The following NRROS variants were observed in gnomAD, a reference collection of about 807,000 sequenced individuals.
The protein encoded by NRROS is negative regulator of reactive oxygen species.
NRROS carries 6 observed loss-of-function variants against 12.0 expected under a neutral mutation model. That is an observed-to-expected ratio of 0.50 (90% CI 0.27 to 0.98). The LOEUF is 0.98. NRROS is among the 50% of genes least tolerant of loss of function. NRROS has a pLI of 0.11. For missense variants in NRROS, 857 were observed against 888.2 expected (o/e 0.96, Z 0.45); for synonymous variants, 462 against 410.2 (o/e 1.13, Z -1.53).
In NRROS at chr3:196,654,575, T is replaced by A. The variant is rs1248410031; in HGVS notation, c.36T>A (p.Phe12Leu). 1 of 1,614,142 alleles carries A rather than the reference T, an allele frequency of 6.2e-7. No homozygotes were observed. Among genetic ancestry groups the A allele is most frequent in the Non-Finnish European group, 8.5e-7 (1 of 1,179,982 alleles). Residue 12 changes from phenylalanine (F) to leucine (L), a missense_variant, in exon 2 of 3, where the codon TTT becomes TTA. Physicochemically the swap from Phe to Leu is conservative, Grantham distance 22. Transcript: ENST00000328557. The surrounding 1 kb of genome is among the most constrained non-coding windows in gnomAD (Gnocchi z 4.4). ...TGCCTCTTTGGCTCTGCCTGGGTTT[T>A]CACTTCCTGACCGTGGGCTGGAGGA... ...ELLPLWLCLG[F>L]HFLTVGWRNR...
intron 1 of NRROS, among the ~76,000 whole-genome samples, chr3:196,651,019 T>A (rs1737412928): frequency 6.6e-6 from 1 of 152,158 alleles, no homozygotes; most frequent in Non-Finnish European, 1.5e-5. Flanking sequence ...GCAGATGCTG[T>A]GGCGTGGTCC....
chr3:196,650,753 GT>G (rs551597247), intron 1 of NRROS, among the ~76,000 whole-genome samples: 3 of 152,276 alleles, frequency 2.0e-5, no homozygotes, highest in Non-Finnish European at 4.4e-5. Flanking sequence ...AGAAAACCAC[GT>G]TGTCTTCTCT....
chr3:196,653,068 G>A (rs550318827), intron 1 of NRROS, among the ~76,000 whole-genome samples: 9 of 152,298 alleles, frequency 5.9e-5, no homozygotes, highest in East Asian at 3.9e-4. Flanking sequence ...TTTCAGGGGC[G>A]GGGAAGGGTG....
Position 196,660,331 on chromosome 3 carries a change from G to A in NRROS, c.688G>A (p.Val230Ile). Reference protein sequence around the residue: ...IVDFGLTRLRVLNVSYNVLEW... With the variant: ...IVDFGLTRLRILNVSYNVLEW... ...GGACTTCGGGCTCACGCGGCTGCGG[G>A]TCCTCAACGTCAGCTACAACGTCCT... is the stretch of plus-strand genomic sequence containing the variant. Residue 230 changes from valine (V) to isoleucine (I), a missense_variant, in exon 3 of 3, where the codon GTC becomes ATC. Physicochemically the swap from Val to Ile is conservative, Grantham distance 29. Transcript: ENST00000328557. This position sits in a 1 kb window ranked among gnomAD's most constrained non-coding sequence, Gnocchi z 7.7. The A allele has an allele frequency of 6.2e-7, 1 of 1,614,040 alleles. No individual in the cohort carries two copies. The highest frequency in any genetic ancestry group is 1.1e-5 in the South Asian group (1 of 91,076).
intron 1 of NRROS, among the ~76,000 whole-genome samples, chr3:196,647,003 G>A (rs540456632): frequency 3.0e-4 from 45 of 152,186 alleles, no homozygotes; most frequent in Admixed American, 1.6e-3. Context: ...GTCTTTCTGC[G>A]TCAATCAATA....
At chr3:196,652,684 C>CCCT (rs1395231347) in intron 1 of NRROS, among the ~76,000 whole-genome samples, 91 of 152,214 alleles carry the variant, frequency 6.0e-4, no homozygotes, top group African/African-American at 2.1e-3. Flanking sequence ...ATTAAAATGC[C>CCCT]CCTCCTGAGT....
intron 1 of NRROS, among the ~76,000 whole-genome samples, chr3:196,644,728 G>C (rs982458669): frequency 1.4e-5 from 2 of 140,262 alleles, no homozygotes; most frequent in Admixed American, 7.6e-5. Context: ...AGCAGAGATC[G>C]CACCATTGCA....
At chr3:196,645,160 G>GCAA (rs1737284303) in intron 1 of NRROS, among the ~76,000 whole-genome samples, 2 of 152,282 alleles carry the variant, frequency 1.3e-5, no homozygotes, top group South Asian at 4.1e-4. Context: ...GAATTACTGG[G>GCAA]TTATTGCTCC....
At chr3:196,647,751 G>T (rs899258436) in intron 1 of NRROS, among the ~76,000 whole-genome samples, 1 of 152,198 alleles carries the variant, frequency 6.6e-6, no homozygotes, top group African/African-American at 2.4e-5. Flanking sequence ...TAGAGACGGG[G>T]TTTCACCATG....
chr3:196,640,306 G>T (rs1737183616), intron 1 of NRROS, among the ~76,000 whole-genome samples: 1 of 152,206 alleles, frequency 6.6e-6, no homozygotes, highest in Non-Finnish European at 1.5e-5. Context: ...TGCACACTCA[G>T]CATGCTGAGC....
At position 196,660,136 on chromosome 3, in the gene NRROS, G is replaced by T. The variant is rs538860702; in HGVS notation, c.493G>T (p.Ala165Ser). 4 of 1,613,102 alleles carry T rather than the reference G, an allele frequency of 2.5e-6. No homozygotes were observed. The South Asian group carries it at 4.4e-5, about 18-fold the overall frequency. Residue 165 changes from alanine to serine, a missense_variant, in exon 3 of 3, where the codon GCG becomes TCG. Physicochemically the swap from Ala to Ser is moderately conservative, Grantham distance 99 (BLOSUM62 1). Coordinates refer to ENST00000328557, the MANE Select transcript of NRROS (RefSeq NM_198565.3). This position sits in a 1 kb window ranked among gnomAD's most constrained non-coding sequence, Gnocchi z 7.7. ...NLSSLRSVSL[A>S]GNTIMRLDDS... is the part of the protein sequence containing the mutation. ...CTCCTCGCTGCGGTCCGTGTCCCTG[G>T]CGGGGAACACCATCATGCGGCTGGA...
intron 1 of NRROS, among the ~76,000 whole-genome samples, chr3:196,645,312 G>A (rs1737287108): frequency 6.6e-6 from 1 of 152,122 alleles, no homozygotes. Flanking sequence ...TTTAGTCAAG[G>A]GTCGCAGGCA....
At chr3:196,644,361 T>C (rs1410810283) in intron 1 of NRROS, among the ~76,000 whole-genome samples, 1 of 147,854 alleles carries the variant, frequency 6.8e-6, no homozygotes, top group Non-Finnish European at 1.5e-5. Context: ...GTCACGCCGC[T>C]GCACTCTAGC....
At chr3:196,658,898 A>G (rs1009732094) in intron 2 of NRROS, among the ~76,000 whole-genome samples, 2 of 152,202 alleles carry the variant, frequency 1.3e-5, no homozygotes, top group Non-Finnish European at 2.9e-5. Flanking sequence ...CGAACCCAGG[A>G]GGCAGAGATT....
At position 196,654,877 on chromosome 3, in the gene NRROS, G is replaced by A. The variant is rs1408293187; in HGVS notation, c.108+230G>A. On this transcript the variant is annotated intron_variant, in intron 2 of 2. Transcript: ENST00000328557. The surrounding 1 kb of genome is among the most constrained non-coding windows in gnomAD (Gnocchi z 4.4). The stretch of plus-strand genomic sequence containing the variant: ...CTGCCCCGCCGTTCTCACGCCTGCT[G>A]AGGATAGGAGGCATCCGAGACCAGC... 1 of 497,502 alleles carries A rather than the reference G, an allele frequency of 2.0e-6. No individual in the cohort carries two copies. Among genetic ancestry groups the A allele is most frequent in the East Asian group, 3.6e-5 (1 of 27,884 alleles). 30.8% of individuals were successfully genotyped at this position (497,502 alleles called of 1,614,324 possible).
At chr3:196,640,962 G>A (rs901934660) in intron 1 of NRROS, among the ~76,000 whole-genome samples, 3 of 152,108 alleles carry the variant, frequency 2.0e-5, no homozygotes, top group African/African-American at 7.2e-5. Context: ...CTCACCTGCC[G>A]GCTGTGACAC....
chr3:196,658,170 A>G (rs752092331), intron 2 of NRROS, among the ~76,000 whole-genome samples: 1 of 152,220 alleles, frequency 6.6e-6, no homozygotes, highest in Admixed American at 6.5e-5. Context: ...GATCACATTT[A>G]TTTGTACTGC....
Position 196,660,442 on chromosome 3 carries a change from C to T in NRROS, c.799C>T (p.Leu267=). 1 of 1,614,036 alleles carries T rather than the reference C, an allele frequency of 6.2e-7. No individual in the cohort carries two copies. The highest frequency in any genetic ancestry group is 8.5e-7 in the Non-Finnish European group (1 of 1,179,956). ...LSHNQLLFFP[L]LPQYSKLRTL... ...TCACAACCAGCTGCTGTTCTTCCCG[C>T]TGCTGCCCCAGTACAGCAAGTTGCG... The change falls in exon 3 of 3, where the codon CTG becomes TTG. Residue 267 remains leucine (L), a synonymous_variant. Transcript: ENST00000328557. This position sits in a 1 kb window ranked among gnomAD's most constrained non-coding sequence, Gnocchi z 7.7.
intron 1 of NRROS, among the ~76,000 whole-genome samples, chr3:196,648,488 C>T (rs1033303352): frequency 1.3e-5 from 2 of 151,968 alleles, no homozygotes; most frequent in African/African-American, 4.8e-5. Flanking sequence ...AACATCCGGC[C>T]AAGCTCAGTG....
Sources: allele counts gnomAD v4.1 joint callset (sites outside exome capture counted in the v4.1 genomes callset), GRCh38; gene constraint gnomAD v4.1.1; non-coding constraint Gnocchi (gnomAD v3.1); transcripts MANE v1.5; gene names NCBI Gene and HGNC (gene_info 2026-07-23, HGNC 2026-07-21).